Variants in PPP4R3A observed in about 807,000 individuals in gnomAD.
PPP4R3A encodes the protein serine/threonine-protein phosphatase 4 regulatory subunit 3A.
In PPP4R3A, 15 loss-of-function variants were observed where a neutral mutation model predicts 91.7. The observed-to-expected ratio is 0.16, with a 90% CI of 0.11 to 0.25. PPP4R3A has a LOEUF of 0.25. Among genes scored for constraint, PPP4R3A ranks in the 10% least tolerant of loss-of-function variants. PPP4R3A has a pLI of 1.00. For missense variants in PPP4R3A, 623 were observed against 998.4 expected (o/e 0.62, Z 5.07); for synonymous variants, 377 against 348.7 (o/e 1.08, Z -0.91).
chr14:91,465,994 A>G (rs1888452904), intron 10 of PPP4R3A, among the ~76,000 whole-genome samples: 1 of 152,234 alleles, frequency 6.6e-6, no homozygotes, highest in Non-Finnish European at 1.5e-5. Flanking sequence ...AGAGGATGTT[A>G]TTTAAAATGT....
chr14:91,473,192 A>G lies in PPP4R3A; in HGVS notation c.1398+47T>C, dbSNP rs1888957878. On this transcript the variant is annotated intron_variant, in intron 8 of 14. Transcript: ENST00000554943. ...AACCACACTGGTTCCTACCAGCAAT[A>G]CACAATATACTAGCTATGAAAAAGA... The G allele has an allele frequency of 2.5e-6, 4 of 1,612,966 alleles. No homozygotes were observed. The Admixed American group carries it at 5.0e-5, about 20-fold the overall frequency.
chr14:91,488,740 C>G (rs1455989079), intron 2 of PPP4R3A, among the ~76,000 whole-genome samples: 1 of 151,916 alleles, frequency 6.6e-6, no homozygotes, highest in African/African-American at 2.4e-5. Context: ...AATGAAAATA[C>G]TAAGAAATTT....
chr14:91,474,579 C>CA (rs1473613811), intron 7 of PPP4R3A: 1 of 151,728 alleles, frequency 6.6e-6, no homozygotes, highest in African/African-American at 2.4e-5. Context: ...ATGGGACCAA[C>CA]AATAGCCTTT....
In PPP4R3A at chr14:91,473,382, AAT is replaced by A. The variant is rs1888969953; in HGVS notation, c.1267-14_1267-13del. 1.2e-6 allele frequency: 2 copies of A among 1,606,064 alleles called. No homozygotes were observed. Among genetic ancestry groups the A allele is most frequent in the African/African-American group, 1.3e-5 (1 of 74,528 alleles). The stretch of plus-strand genomic sequence containing the variant: ...ATGAGCAAAATATCCTGGAGAGAAA[AAT>A]AGACATACTCAGGATCACTTATTAT... On this transcript the variant is annotated splice_polypyrimidine_tract_variant and intron_variant, in intron 7 of 14. Coordinates refer to ENST00000554943, the MANE Select transcript of PPP4R3A (RefSeq NM_001366432.2).
At chr14:91,499,837 A>G (rs935522035) in intron 1 of PPP4R3A, among the ~76,000 whole-genome samples, 6 of 150,770 alleles carry the variant, frequency 4.0e-5, no homozygotes, top group African/African-American at 1.5e-4. Context: ...AAAAAAAAAA[A>G]AAAAGTTCCC....
chr14:91,507,543 T>A (rs113105605), intron 1 of PPP4R3A, among the ~76,000 whole-genome samples: 1 of 76,164 alleles, frequency 1.3e-5, no homozygotes, highest in African/African-American at 4.8e-5. Context: ...ATACTATATA[T>A]TATATATAGT....
intron 6 of PPP4R3A, 44 bp downstream of exon 6, chr14:91,476,364 G>T: frequency 2.4e-6 from 3 of 1,275,368 alleles, no homozygotes; most frequent in East Asian, 2.3e-5. Flanking sequence ...ATTAATTTTG[G>T]GATTAAAAAA....
intron 2 of PPP4R3A, among the ~76,000 whole-genome samples, chr14:91,488,544 C>T (rs952016597): frequency 2.0e-5 from 3 of 152,080 alleles, no homozygotes; most frequent in Non-Finnish European, 2.9e-5. Flanking sequence ...GGTAAGGTTT[C>T]ATTTTTAGTT....
rs956793325 is a variant in PPP4R3A at position 91,460,157 on chromosome 14, G to A, written c.2391+1224C>T. Among the ~76,000 whole-genome samples, 4 of 152,088 alleles carry A rather than the reference G, an allele frequency of 2.6e-5. No individual in the cohort carries two copies. The East Asian group carries it at 5.9e-4, about 22-fold the overall frequency. On this transcript the variant is annotated intron_variant, in intron 14 of 14. Coordinates refer to ENST00000554943, the MANE Select transcript of PPP4R3A (RefSeq NM_001366432.2). ...CTCCTGAGTAGTTGAGACTACAGGC[G>A]CCCGCCACCACACGCGGCTAATGTT...
Position 91,481,111 on chromosome 14 carries a change from T to C in PPP4R3A, c.915+465A>G, listed in dbSNP as rs549284812. On this transcript the variant is annotated intron_variant, in intron 4 of 14. Transcript: ENST00000554943. ...ACTTTGGGAGGCCAGGGCAGGCAGATTGCTTGAGCTCAGAGGTTTGAGGCC... is the reference window on the plus strand; with the variant it reads ...ACTTTGGGAGGCCAGGGCAGGCAGACTGCTTGAGCTCAGAGGTTTGAGGCC... 2.2e-4 allele frequency among the ~76,000 whole-genome samples: 34 copies of C among 151,930 alleles called. 2 individuals are homozygous for C. Among genetic ancestry groups the C allele is most frequent in the African/African-American group, 7.5e-4 (31 of 41,430 alleles).
intron 14 of PPP4R3A, 59 bp downstream of exon 14, chr14:91,461,322 T>C: frequency 6.7e-7 from 1 of 1,496,540 alleles, no homozygotes; most frequent in Non-Finnish European, 9.2e-7. Flanking sequence ...TAGTCAAAAT[T>C]ATTGTTGAGA....
intron 2 of PPP4R3A, among the ~76,000 whole-genome samples, chr14:91,487,908 A>G (rs1889995900): frequency 6.6e-6 from 1 of 152,174 alleles, no homozygotes; most frequent in African/African-American, 2.4e-5. Flanking sequence ...AGGCGGAGTT[A>G]TGCCATGTTG....
intron 5 of PPP4R3A, 30 bp from the exon 6 acceptor site, chr14:91,476,554 A>G: frequency 7.0e-7 from 1 of 1,423,970 alleles, no homozygotes; most frequent in African/African-American, 1.4e-5. Context: ...TAAGTGATAT[A>G]AAAAGTTTAT....
At position 91,473,289 on chromosome 14, in the gene PPP4R3A, C is replaced by T; in HGVS notation, c.1348G>A (p.Gly450Ser). ...PELGGAVQLM[G>S]LLRTLVDPEN... The stretch of plus-strand genomic sequence containing the variant: ...GGGTCAACTAAAGTTCGAAGCAGGC[C>T]CATAAGCTGGACTGCTCCTCCAAGT... Residue 450 changes from glycine (G) to serine (S), a missense_variant, in exon 8 of 15, where the codon GGC becomes AGC. By Grantham distance (56) the Gly-to-Ser change is moderately conservative. Coordinates refer to ENST00000554943, the MANE Select transcript of PPP4R3A (RefSeq NM_001366432.2). 2.5e-6 allele frequency: 4 copies of T among 1,614,032 alleles called. No homozygotes were observed. The highest frequency in any genetic ancestry group is 3.4e-6 in the Non-Finnish European group (4 of 1,180,002).
chr14:91,507,510 A>AT (rs1441207418), intron 1 of PPP4R3A, among the ~76,000 whole-genome samples: 21 of 140,214 alleles, frequency 1.5e-4, no homozygotes, highest in African/African-American at 5.8e-4. Flanking sequence ...TATATGCTAT[A>AT]ATTATATATA....
intron 9 of PPP4R3A, among the ~76,000 whole-genome samples, chr14:91,472,523 G>A (rs895767883): frequency 1.3e-5 from 2 of 150,772 alleles, no homozygotes; most frequent in African/African-American, 4.9e-5. Flanking sequence ...GAGTGCAGTG[G>A]GGCGACCTCG....
intron 14 of PPP4R3A, among the ~76,000 whole-genome samples, chr14:91,461,179 A>AGACTT (rs568484889): frequency 1.0e-3 from 157 of 152,242 alleles, no homozygotes; most frequent in African/African-American, 3.6e-3. Context: ...CACTATATGC[A>AGACTT]GACTTGCATT....
rs573677740 is a variant in PPP4R3A, at chr14:91,460,637, CTTT to C, written c.2391+741_2391+743del. ...TACATTTTTTCTTAAGATTTTGTTC[CTTT>C]TTTTTTTTTTTTTTTTGAGATGGAG... is the stretch of plus-strand genomic sequence containing the variant. On this transcript the variant is annotated intron_variant, in intron 14 of 14. Transcript: ENST00000554943. Among the ~76,000 whole-genome samples the C allele has an allele frequency of 3.3e-4, 37 of 111,278 alleles. 1 individual carries two copies. In the East Asian group the frequency reaches 5.9e-3, roughly 18 times the overall value. 73.0% of individuals were successfully genotyped at this position (111,278 alleles called of 152,430 possible). A position where few individuals can be genotyped will look rare whatever the true frequency, so the allele number is the denominator to read the frequency against.
chr14:91,504,602 CAA>C (rs11332483), intron 1 of PPP4R3A, among the ~76,000 whole-genome samples: 26 of 132,394 alleles, frequency 2.0e-4, no homozygotes, highest in Non-Finnish European at 1.9e-4. Context: ...AACACTGACT[CAA>C]AAAAAAAAAA....
Sources: gnomAD v4.1 joint callset for allele counts (sites outside exome capture counted in the v4.1 genomes callset) on GRCh38, gnomAD v4.1.1 for gene constraint, MANE v1.5 for transcripts, NCBI Gene and HGNC (gene_info 2026-07-23, HGNC 2026-07-21) for gene names.